The following PICK1 variants were observed in gnomAD, a reference collection of about 807,000 sequenced individuals.
The protein encoded by PICK1 is PRKCA-binding protein.
PICK1 carries 23 observed loss-of-function variants against 48.9 expected under a neutral mutation model. The observed-to-expected ratio is 0.47, with a 90% CI of 0.34 to 0.67. The LOEUF is 0.67. Among genes scored for constraint, PICK1 ranks in the 30% least tolerant of loss-of-function variants. The pLI is 0.01. For synonymous variants in PICK1, 217 were observed against 228.2 expected (o/e 0.95, Z 0.44); for missense variants, 423 against 557.1 (o/e 0.76, Z 2.42).
At chr22:38,069,249 G>A (rs894001486) in intron 6 of PICK1, 127 bp downstream of exon 6, 29 of 693,840 alleles carry the variant, frequency 4.2e-5, no homozygotes, top group Non-Finnish European at 7.1e-5. Flanking sequence ...TCTGCCCGTG[G>A]AACTGAGAAG....
chr22:38,071,643 C>G, intron 7 of PICK1, 39 bp from the exon 8 acceptor site: 1 of 1,580,262 alleles, frequency 6.3e-7, no homozygotes, highest in East Asian at 2.2e-5. Flanking sequence ...TGGTCCCCGC[C>G]ATGCGTCCCC....
In PICK1 at chr22:38,074,481, T is replaced by C; in HGVS notation, c.979+30T>C. ...GCGCCGCCCTCCTCCCCGTCCGCTC[T>C]CCATTTCAGAGGTGGGAAAACTGAG... is the stretch of plus-strand genomic sequence containing the variant. On this transcript the variant is annotated intron_variant, in intron 12 of 12. Coordinates refer to ENST00000356976, the MANE Select transcript of PICK1 (RefSeq NM_012407.4). The surrounding 1 kb of genome is among the most constrained non-coding windows in gnomAD (Gnocchi z 4.5). 6.2e-7 allele frequency: 1 copy of C among 1,611,912 alleles called. No homozygotes were observed. The highest frequency in any genetic ancestry group is 8.5e-7 in the Non-Finnish European group (1 of 1,179,420).
At chr22:38,067,941 C>T in intron 5 of PICK1, 171 bp downstream of exon 5, 1 of 699,080 alleles carries the variant, frequency 1.4e-6, no homozygotes, top group South Asian at 1.5e-5. Flanking sequence ...GCCTGGGAGG[C>T]CTCCCGGTGC....
Position 38,075,086 on chromosome 22 carries a change from G to T in PICK1, c.1202G>T (p.Gly401Val). ...AAGEPSRDTR[G>V]AAGPLDKGGS... is the part of the protein sequence containing the mutation. ...GGGGAGCCGTCCAGGGATACACGAG[G>T]GGCTGCTGGGCCCTTGGACAAGGGT... Residue 401 changes from glycine to valine, a missense_variant, in exon 13 of 13, where the codon GGG becomes GTG. This residue lies in a region of PICK1 where 144 missense variants were observed against 139.3 expected (regional missense o/e 1.03). Transcript: ENST00000356976. 6.2e-7 allele frequency: 1 copy of T among 1,612,726 alleles called. No homozygotes were observed. The highest frequency in any genetic ancestry group is 1.1e-5 in the South Asian group (1 of 91,066).
At position 38,073,640 on chromosome 22, in the gene PICK1, C is replaced by T; in HGVS notation, c.784-133C>T. On this transcript the variant is annotated intron_variant, in intron 10 of 12. Transcript: ENST00000356976. The surrounding 1 kb of genome is among the most constrained non-coding windows in gnomAD (Gnocchi z 5.7). ...CTCAGGCCCTGTCATCCCTCAGCAC[C>T]TGCCGCTGCCCGCTCTGGGACTCCC... 2 of 838,842 alleles carry T rather than the reference C, an allele frequency of 2.4e-6. No homozygotes were observed. Among genetic ancestry groups the T allele is most frequent in the Non-Finnish European group, 4.1e-6 (2 of 485,170 alleles). 52.0% of individuals were successfully genotyped at this position (838,842 alleles called of 1,614,324 possible). A position where few individuals can be genotyped will look rare whatever the true frequency, so the allele number is the denominator to read the frequency against.
rs554539204 is a variant in PICK1 at position 38,067,721 on chromosome 22, C to T, written c.300C>T (p.His100=). 1 of 1,614,010 alleles carries T rather than the reference C, an allele frequency of 6.2e-7. No homozygotes were observed. Among genetic ancestry groups the T allele is most frequent in the South Asian group, 1.1e-5 (1 of 91,084 alleles). ...TCTTCCAGGGGGAGGTGACCATCCA[C>T]TACAACAAGCTGCAGGCGGACCCCA... is the stretch of plus-strand genomic sequence containing the variant. ...IQEVKGEVTI[H]YNKLQADPKQ... The change falls in exon 5 of 13, where the codon CAC becomes CAT. Residue 100 remains histidine (H), a synonymous_variant. Transcript: ENST00000356976.
chr22:38,057,730 G>A, intron 1 of PICK1, 23 bp from the exon 2 acceptor site: 1 of 1,315,082 alleles, frequency 7.6e-7, no homozygotes, highest in Admixed American at 1.7e-5. Context: ...TAAATCCTAT[G>A]CTCCTTTCTC....
chr22:38,073,580 T>C lies in PICK1; in HGVS notation c.784-193T>C, dbSNP rs554349625. Among the ~76,000 whole-genome samples, 7 of 152,296 alleles carry C rather than the reference T, an allele frequency of 4.6e-5. No individual in the cohort carries two copies. Among genetic ancestry groups the C allele is most frequent in the Non-Finnish European group, 8.8e-5 (6 of 68,030 alleles). On this transcript the variant is annotated intron_variant, in intron 10 of 12. Transcript: ENST00000356976. This position sits in a 1 kb window ranked among gnomAD's most constrained non-coding sequence, Gnocchi z 5.7. The stretch of plus-strand genomic sequence containing the variant: ...ACCCCTTTTTCCCCAGAGCATCTCT[T>C]GGGCCTTGAGTTTGGTCAACTCGGC...
chr22:38,072,461 C>G lies in PICK1; in HGVS notation c.557-16C>G. 1 of 1,610,746 alleles carries G rather than the reference C, an allele frequency of 6.2e-7. No homozygotes were observed. Among genetic ancestry groups the G allele is most frequent in the Non-Finnish European group, 8.5e-7 (1 of 1,179,088 alleles). On this transcript the variant is annotated splice_polypyrimidine_tract_variant and intron_variant, in intron 8 of 12. Transcript: ENST00000356976. ...GGCCAAGTAGGGGCAGCCTTCAAGG[C>G]AAACTTGTCCTGCAGCCTTTGGGGA...
chr22:38,072,698 C>G, intron 9 of PICK1, 88 bp downstream of exon 9: 1 of 1,551,122 alleles, frequency 6.4e-7, no homozygotes, highest in South Asian at 1.1e-5. Flanking sequence ...TGCTGGAGTC[C>G]TGTGCCTGGG....
chr22:38,068,366 TG>T (rs1179846030), intron 5 of PICK1, among the ~76,000 whole-genome samples: 1 of 152,202 alleles, frequency 6.6e-6, no homozygotes, highest in Non-Finnish European at 1.5e-5. Context: ...CTTCACATTA[TG>T]GATCAAAGCC....
chr22:38,061,795 A>T (rs1204411333), intron 3 of PICK1, among the ~76,000 whole-genome samples: 1 of 152,206 alleles, frequency 6.6e-6, no homozygotes, highest in Admixed American at 6.5e-5. Context: ...TGCTGGGATT[A>T]CAGGCGTGAG....
Position 38,073,705 on chromosome 22 carries a change from T to G in PICK1, c.784-68T>G. The G allele has an allele frequency of 6.6e-6, 9 of 1,370,218 alleles. No homozygotes were observed. Among genetic ancestry groups the G allele is most frequent in the Non-Finnish European group, 8.3e-6 (8 of 960,358 alleles). The allele number at this position is 1,370,218 out of a possible 1,614,324, so 84.9% of individuals were successfully genotyped here. A position where few individuals can be genotyped will look rare whatever the true frequency, so the allele number is the denominator to read the frequency against. ...AGCCTCTCCTGCTGCGTGTGGGTGA[T>G]GGGGGTGGAGCTGGGGACCTGGGGT... On this transcript the variant is annotated intron_variant, in intron 10 of 12. Coordinates refer to ENST00000356976, the MANE Select transcript of PICK1 (RefSeq NM_012407.4). This position sits in a 1 kb window ranked among gnomAD's most constrained non-coding sequence, Gnocchi z 5.7.
rs2085306998 is a variant in PICK1 at position 38,057,805 on chromosome 22, G to A, written c.-5G>A. Reference sequence around the variant, plus strand: ...GTTAGCCAGCCCACTCCAACTCTCGGAACCATGTTTGCAGACTTGGATTAT... The same window carrying A: ...GTTAGCCAGCCCACTCCAACTCTCGAAACCATGTTTGCAGACTTGGATTAT... On this transcript the variant is annotated 5_prime_UTR_variant, in exon 2 of 13. Transcript: ENST00000356976. The A allele has an allele frequency of 6.2e-7, 1 of 1,613,758 alleles. No individual in the cohort carries two copies. The highest frequency in any genetic ancestry group is 8.5e-7 in the Non-Finnish European group (1 of 1,179,754).
At chr22:38,072,267 G>A (rs7289400) in intron 8 of PICK1, among the ~76,000 whole-genome samples, 5,917 of 152,288 alleles carry the variant, frequency 0.039, 383 homozygotes, top group African/African-American at 0.14. Flanking sequence ...AGGGGGCACA[G>A]ACCAGCTCTT....
Position 38,074,004 on chromosome 22 carries a change from G to A in PICK1, c.834+181G>A. ...CCTCGGGGTGCTGGGCACCCGGCCG[G>A]GAACCACTCCCTCAGTCTGGGGGAC... On this transcript the variant is annotated intron_variant, in intron 11 of 12. Transcript: ENST00000356976. The surrounding 1 kb of genome is among the most constrained non-coding windows in gnomAD (Gnocchi z 4.5). The A allele has an allele frequency of 1.5e-6, 1 of 674,438 alleles. No individual in the cohort carries two copies. The highest frequency in any genetic ancestry group is 2.6e-6 in the Non-Finnish European group (1 of 387,310). The allele number at this position is 674,438 out of a possible 1,614,324, so 41.8% of individuals were successfully genotyped here.
At position 38,075,201 on chromosome 22, in the gene PICK1, G is replaced by A. The variant is rs1335104419; in HGVS notation, c.*69G>A. 3.4e-6 allele frequency: 5 copies of A among 1,476,486 alleles called. No individual in the cohort carries two copies. Among genetic ancestry groups the A allele is most frequent in the Admixed American group, 2.0e-5 (1 of 49,116 alleles). The allele number at this position is 1,476,486 out of a possible 1,614,324, so 91.5% of individuals were successfully genotyped here. On this transcript the variant is annotated 3_prime_UTR_variant, in exon 13 of 13. Transcript: ENST00000356976. ...CGGAGCCTGGGAGCGGGGCGGGGCC[G>A]CCGCGCAAGGGGGCGACGCATAAAG... is the stretch of plus-strand genomic sequence containing the variant.
At chr22:38,069,419 C>T (rs936910309) in intron 6 of PICK1, among the ~76,000 whole-genome samples, 1 of 152,190 alleles carries the variant, frequency 6.6e-6, no homozygotes, top group African/African-American at 2.4e-5. Context: ...CCCCTCACCC[C>T]AGCACTCTCG....
Position 38,074,788 on chromosome 22 carries a change from G to T in PICK1, c.980-76G>T. 2 of 1,571,158 alleles carry T rather than the reference G, an allele frequency of 1.3e-6. No homozygotes were observed. Among genetic ancestry groups the T allele is most frequent in the African/African-American group, 1.3e-5 (1 of 74,438 alleles). On this transcript the variant is annotated intron_variant, in intron 12 of 12. Transcript: ENST00000356976. The surrounding 1 kb of genome is among the most constrained non-coding windows in gnomAD (Gnocchi z 4.5). ...CCAGGGGAGGCGAGAGGTGGGCCGG[G>T]TGGGCTGGGAGAGTCTCCTCCCTGA... is the stretch of plus-strand genomic sequence containing the variant.
Sources: allele counts gnomAD v4.1 joint callset (sites outside exome capture counted in the v4.1 genomes callset), GRCh38; gene constraint gnomAD v4.1.1; regional missense constraint gnomAD v4.1.1; non-coding constraint Gnocchi (gnomAD v3.1); transcripts MANE v1.5; gene names NCBI Gene and HGNC (gene_info 2026-07-23, HGNC 2026-07-21).